Variants in CNTNAP2 observed in about 807,000 individuals in gnomAD.
The protein encoded by CNTNAP2 is contactin-associated protein-like 2.
A neutral mutation model predicts 155.2 loss-of-function variants in CNTNAP2; 98 were observed. That is an observed-to-expected ratio of 0.63 (90% CI 0.54 to 0.75). The LOEUF is 0.75. CNTNAP2 is among the 30% of genes least tolerant of loss of function. The probability of loss-of-function intolerance (pLI) is 0.00; values close to 1 mark genes in which losing one functional copy is unlikely to be tolerated. For missense variants in CNTNAP2, 1,727 were observed against 1,688.1 expected (o/e 1.02, Z -0.40); for synonymous variants, 651 against 631.2 (o/e 1.03, Z -0.47).
intron 12 of CNTNAP2, among the ~76,000 whole-genome samples, chr7:147,600,393 C>T (rs1800921112): frequency 6.6e-6 from 1 of 152,166 alleles, no homozygotes; most frequent in Non-Finnish European, 1.5e-5. Context: ...CACAACTATT[C>T]AACTCTGCCT....
At chr7:146,788,829 T>C (rs1328704569) in intron 2 of CNTNAP2, among the ~76,000 whole-genome samples, 3 of 152,196 alleles carry the variant, frequency 2.0e-5, no homozygotes, top group African/African-American at 7.2e-5. Flanking sequence ...CGTGTTTTTT[T>C]GTTTTGTTTT....
intron 1 of CNTNAP2, among the ~76,000 whole-genome samples, chr7:146,639,918 T>A (rs1799676766): frequency 1.3e-5 from 2 of 152,354 alleles, no homozygotes; most frequent in South Asian, 4.1e-4. Context: ...TTCTAGTAAC[T>A]ATTATGAAAT....
At chr7:147,389,852 T>A (rs955491585) in intron 9 of CNTNAP2, among the ~76,000 whole-genome samples, 1 of 152,194 alleles carries the variant, frequency 6.6e-6, no homozygotes, top group Non-Finnish European at 1.5e-5. Context: ...ATAACAAAAA[T>A]ACGCAAAAAT....
chr7:146,756,881 G>GTA (rs1293920968), intron 1 of CNTNAP2, among the ~76,000 whole-genome samples: 1 of 151,996 alleles, frequency 6.6e-6, no homozygotes, highest in Non-Finnish European at 1.5e-5. Flanking sequence ...GTTATAACAC[G>GTA]TATATATGTA....
intron 13 of CNTNAP2, among the ~76,000 whole-genome samples, chr7:147,747,515 A>G (rs976171008): frequency 3.9e-5 from 6 of 152,202 alleles, no homozygotes; most frequent in African/African-American, 1.4e-4. Context: ...CACTTAGGTT[A>G]CTTCCATATC....
At chr7:148,215,787 C>G (rs960553205) in intron 18 of CNTNAP2, among the ~76,000 whole-genome samples, 1 of 152,048 alleles carries the variant, frequency 6.6e-6, no homozygotes, top group Non-Finnish European at 1.5e-5. Context: ...AGACATTGAC[C>G]CAAGTTAACA....
intron 21 of CNTNAP2, among the ~76,000 whole-genome samples, chr7:148,310,736 G>A (rs530381243): frequency 6.6e-6 from 1 of 152,220 alleles, no homozygotes; most frequent in African/African-American, 2.4e-5. Flanking sequence ...AGGCAAAACT[G>A]GAGATGCAAA....
chr7:148,111,026 G>A (rs1004701601), intron 15 of CNTNAP2, among the ~76,000 whole-genome samples: 7 of 152,200 alleles, frequency 4.6e-5, no homozygotes, highest in Non-Finnish European at 8.8e-5. Context: ...CTGACATTCG[G>A]AGTCCCTTCA....
At chr7:147,272,794 A>G (rs754974139) in intron 8 of CNTNAP2, among the ~76,000 whole-genome samples, 1 of 151,898 alleles carries the variant, frequency 6.6e-6, no homozygotes, top group Non-Finnish European at 1.5e-5. Context: ...GGCGTGAGCC[A>G]CTGCGCCTGG....
At chr7:147,028,310 C>T (rs1798961552) in intron 3 of CNTNAP2, among the ~76,000 whole-genome samples, 1 of 152,176 alleles carries the variant, frequency 6.6e-6, no homozygotes, top group Non-Finnish European at 1.5e-5. Context: ...ATGAAATTGT[C>T]TCTTCAAGAA....
chr7:147,920,800 CCTGT>C lies in CNTNAP2; in HGVS notation c.2255+17082_2255+17085del, dbSNP rs1375713299. Among the ~76,000 whole-genome samples, 12 of 146,602 alleles carry C rather than the reference CCTGT, an allele frequency of 8.2e-5. No individual in the cohort carries two copies. The Admixed American group carries it at 8.3e-4, about 10-fold the overall frequency. On this transcript the variant is annotated intron_variant, in intron 14 of 23. Transcript: ENST00000361727. ...GCAATTTCACGTATGTGCTTCTGCT[CCTGT>C]CTTTTTTTTTTTTTTTTTTTTTTGA...
In CNTNAP2 at chr7:148,198,425, C is replaced by T. The variant is rs569755818; in HGVS notation, c.3011-18863C>T. On this transcript the variant is annotated intron_variant, in intron 18 of 23. Coordinates refer to ENST00000361727, the MANE Select transcript of CNTNAP2 (RefSeq NM_014141.6). ...TGTAGATTCTTAACTGCCTTGAGTG[C>T]TTTTAAGGGACTCCTTCTGTGGGGG... Among the ~76,000 whole-genome samples the T allele has an allele frequency of 4.6e-5, 7 of 152,284 alleles. No homozygotes were observed. In the South Asian group the frequency reaches 1.0e-3, roughly 23 times the overall value.
At chr7:146,653,503 T>C (rs1799949229) in intron 1 of CNTNAP2, among the ~76,000 whole-genome samples, 2 of 152,164 alleles carry the variant, frequency 1.3e-5, no homozygotes, top group Admixed American at 1.3e-4. Context: ...GTATTGACTC[T>C]TACCAATACA....
At chr7:148,366,253 T>C (rs1365599901) in intron 21 of CNTNAP2, among the ~76,000 whole-genome samples, 1 of 134,484 alleles carries the variant, frequency 7.4e-6, no homozygotes, top group African/African-American at 2.5e-5. Context: ...TGCATGTATA[T>C]ATGTGTGTAT....
chr7:146,751,214 A>C (rs891464665), intron 1 of CNTNAP2, among the ~76,000 whole-genome samples: 9 of 152,304 alleles, frequency 5.9e-5, no homozygotes, highest in East Asian at 5.8e-4. Flanking sequence ...CGAGCATACA[A>C]ATTTGAGTAT....
At chr7:146,302,707 G>C (rs1466903784) in intron 1 of CNTNAP2, among the ~76,000 whole-genome samples, 2 of 152,058 alleles carry the variant, frequency 1.3e-5, no homozygotes, top group Non-Finnish European at 2.9e-5. Context: ...AATAAAATGT[G>C]GGTCAAACCA....
In CNTNAP2 at chr7:147,920,805, CTTTTTTTT is replaced by C. The variant is rs1219556681; in HGVS notation, c.2255+17099_2255+17106del. Among the ~76,000 whole-genome samples the C allele has an allele frequency of 4.0e-5, 4 of 100,652 alleles. No individual in the cohort carries two copies. The South Asian group carries it at 1.5e-3, about 39-fold the overall frequency. The allele number at this position is 100,652 out of a possible 152,430, so 66.0% of individuals were successfully genotyped here. A position where few individuals can be genotyped will look rare whatever the true frequency, so the allele number is the denominator to read the frequency against. On this transcript the variant is annotated intron_variant, in intron 14 of 23. Coordinates refer to ENST00000361727, the MANE Select transcript of CNTNAP2 (RefSeq NM_014141.6). Reference sequence around the variant, plus strand: ...TTCACGTATGTGCTTCTGCTCCTGTCTTTTTTTTTTTTTTTTTTTTTTGAGATGGAGTC... The same window carrying C: ...TTCACGTATGTGCTTCTGCTCCTGTCTTTTTTTTTTTTTTGAGATGGAGTC...
intron 1 of CNTNAP2, among the ~76,000 whole-genome samples, chr7:146,357,597 A>G (rs913445151): frequency 6.6e-6 from 1 of 152,194 alleles, no homozygotes; most frequent in Non-Finnish European, 1.5e-5. Flanking sequence ...TAATACGGAT[A>G]TAGGATTTTA....
chr7:148,133,377 G>A (rs185111203), intron 16 of CNTNAP2, among the ~76,000 whole-genome samples: 1 of 152,124 alleles, frequency 6.6e-6, no homozygotes, highest in African/African-American at 2.4e-5. Flanking sequence ...CAGGAGAATC[G>A]CTTGAACCTG....
Sources: allele counts gnomAD v4.1 joint callset (sites outside exome capture counted in the v4.1 genomes callset), GRCh38; gene constraint gnomAD v4.1.1; transcripts MANE v1.5; gene names NCBI Gene and HGNC (gene_info 2026-07-23, HGNC 2026-07-21).